Variants in DLG5 observed in about 807,000 individuals in gnomAD.
DLG5 encodes the protein discs large MAGUK scaffold protein 5, also known as disks large homolog 5.
A neutral mutation model predicts 189.8 loss-of-function variants in DLG5; 48 were observed. The observed-to-expected ratio is 0.25, with a 90% confidence interval of 0.20 to 0.32. DLG5 has a LOEUF of 0.32. DLG5 is among the 10% of genes least tolerant of loss of function. DLG5 has a pLI of 1.00. For missense variants in DLG5, 2,160 were observed against 2,544.7 expected, an observed-to-expected ratio of 0.85 and a Z score of 3.25; for synonymous variants, 1,016 against 1,054.1, an observed-to-expected ratio of 0.96 and a Z score of 0.70.
chr10:77,853,602 G>A (rs952589812), intron 4 of DLG5, 65 bp from the exon 5 acceptor site: 2 of 1,417,116 alleles, frequency 1.4e-6, no homozygotes, highest in Non-Finnish European at 1.9e-6. Context: ...CCACCCCAGG[G>A]CATCACCAGC....
intron 21 of DLG5, 24 bp downstream of exon 21, chr10:77,812,191 T>A: frequency 2.5e-6 from 4 of 1,606,608 alleles, no homozygotes; most frequent in Non-Finnish European, 3.4e-6. Flanking sequence ...ATGGGCGCCA[T>A]GCAGGAGGGC....
intron 3 of DLG5, 104 bp downstream of exon 3, chr10:77,856,626 G>T (rs967494276): frequency 1.4e-6 from 2 of 1,440,070 alleles, no homozygotes; most frequent in Admixed American, 1.9e-5. Context: ...AGGCAGCGCA[G>T]CCTGGACCCC....
At position 77,812,301 on chromosome 10, in the gene DLG5, C is replaced by T; in HGVS notation, c.4102G>A (p.Glu1368Lys). Residue 1368 changes from glutamate to lysine, a missense_variant, in exon 21 of 32, where the codon GAG (glutamate) becomes AAG (lysine). Transcript: ENST00000372391. ...EPLGISIVSG[E>K]KGGIYVSKVT... Reference sequence around the variant, plus strand: ...TTGGAGACGTAGATGCCGCCCTTCTCTCCACTCACGATGGAGATGCCCAGC... The same window carrying T: ...TTGGAGACGTAGATGCCGCCCTTCTTTCCACTCACGATGGAGATGCCCAGC... The T allele has an allele frequency of 6.2e-7, 1 of 1,614,232 alleles. No homozygotes were observed.
At position 77,811,148 on chromosome 10, in the gene DLG5, A is replaced by AGTG. The variant is rs748268230; in HGVS notation, c.4406_4408dup (p.Pro1469dup). On this transcript the variant is annotated inframe_insertion, in exon 23 of 32. Transcript: ENST00000372391. ...GCTAGGCCCCTCGTCCTGCTCCATC[A>AGTG]GTGGGTCGATGACAGATGGATGCTC... The AGTG allele has an allele frequency of 6.2e-7, 1 of 1,613,016 alleles. No individual in the cohort carries two copies. Among genetic ancestry groups the AGTG allele is most frequent in the South Asian group, 1.1e-5 (1 of 91,002 alleles).
chr10:77,817,734 G>T, intron 18 of DLG5, 43 bp downstream of exon 18: 1 of 1,512,658 alleles, frequency 6.6e-7, no homozygotes, highest in Non-Finnish European at 9.0e-7. Flanking sequence ...GAGATGAAAA[G>T]CTTGGCACCC....
intron 1 of DLG5, among the ~76,000 whole-genome samples, chr10:77,880,614 AC>A (rs1017009089): frequency 6.6e-6 from 1 of 151,884 alleles, no homozygotes; most frequent in African/African-American, 2.4e-5. Context: ...CACTCCACCT[AC>A]CCCCTGAACT....
At chr10:77,806,732 C>T in intron 26 of DLG5, 26 bp downstream of exon 26, 4 of 1,574,248 alleles carry the variant, frequency 2.5e-6, no homozygotes, top group Non-Finnish European at 3.5e-6. Context: ...CTGCCCCACC[C>T]CACCCCAGGC....
At chr10:77,845,674 G>A (rs1225039028) in intron 5 of DLG5, among the ~76,000 whole-genome samples, 1 of 150,880 alleles carries the variant, frequency 6.6e-6, no homozygotes, top group Non-Finnish European at 1.5e-5. Context: ...AGGAGGGAGG[G>A]AGAGAGGGAG....
intron 1 of DLG5, among the ~76,000 whole-genome samples, chr10:77,908,738 A>G (rs1846136840): frequency 6.6e-6 from 1 of 151,968 alleles, no homozygotes; most frequent in Non-Finnish European, 1.5e-5. Context: ...CACTATCTGT[A>G]CTACTAGATA....
Position 77,796,652 on chromosome 10 carries a change from G to A in DLG5, c.5165-58C>T, listed in dbSNP as rs575452137. ...CAGCTTGGAGTGGAGGACCTGAGTG[G>A]GGCTGGGGAACCCCGCTCCCTGACC... On this transcript the variant is annotated intron_variant, in intron 27 of 31. Coordinates refer to ENST00000372391, the MANE Select transcript of DLG5 (RefSeq NM_004747.4). The surrounding 1 kb of genome is among the most constrained non-coding windows in gnomAD (Gnocchi z 5.2). 4.0e-4 allele frequency: 641 copies of A among 1,604,298 alleles called. 5 individuals are homozygous for A. In the South Asian group the frequency reaches 6.6e-3, roughly 16 times the overall value.
chr10:77,906,398 C>T (rs1333099612), intron 1 of DLG5, among the ~76,000 whole-genome samples: 1 of 152,138 alleles, frequency 6.6e-6, no homozygotes, highest in Non-Finnish European at 1.5e-5. Context: ...GCAGGAAAAG[C>T]ACTTGTACCG....
intron 31 of DLG5, 93 bp downstream of exon 31, chr10:77,793,915 T>G: frequency 8.8e-7 from 1 of 1,138,942 alleles, no homozygotes; most frequent in East Asian, 2.3e-5. Flanking sequence ...ATGTAGAAAG[T>G]GCGGGCTTCT....
intron 5 of DLG5, among the ~76,000 whole-genome samples, chr10:77,851,818 A>C (rs576841453): frequency 1.2e-4 from 18 of 152,342 alleles, no homozygotes; most frequent in Non-Finnish European, 1.6e-4. Context: ...TTATCTAAAC[A>C]ATTAAACCTT....
chr10:77,870,942 G>A (rs896446993), intron 1 of DLG5, among the ~76,000 whole-genome samples: 11 of 152,024 alleles, frequency 7.2e-5, no homozygotes, highest in East Asian at 1.9e-4. Context: ...GCTAGCAGGC[G>A]TGTCCATCAG....
At position 77,855,833 on chromosome 10, in the gene DLG5, C is replaced by G. The variant is rs373440325; in HGVS notation, c.536+897G>C. On this transcript the variant is annotated intron_variant, in intron 3 of 31. Transcript: ENST00000372391. ...AGTGTTTACACCAAGCCCCCCTCCC[C>G]TCCAGACCTCTACCAGCATGGGAGC... is the stretch of plus-strand genomic sequence containing the variant. Among the ~76,000 whole-genome samples, 48 of 152,346 alleles carry G rather than the reference C, an allele frequency of 3.2e-4. No individual in the cohort carries two copies. The East Asian group carries it at 3.9e-3, about 12-fold the overall frequency.
intron 2 of DLG5, among the ~76,000 whole-genome samples, chr10:77,862,277 T>C (rs1302935643): frequency 6.6e-6 from 1 of 152,048 alleles, no homozygotes; most frequent in Non-Finnish European, 1.5e-5. Context: ...TCTACTGAGT[T>C]AATCTGTCCC....
At chr10:77,810,677 C>T (rs534716943) in intron 23 of DLG5, among the ~76,000 whole-genome samples, 1 of 152,320 alleles carries the variant, frequency 6.6e-6, no homozygotes, top group East Asian at 1.9e-4. Context: ...TGCTCTGCGG[C>T]GGCCGGCAGT....
chr10:77,791,738 G>A lies in DLG5; in HGVS notation c.*702C>T, dbSNP rs1465285140. The A allele has an allele frequency of 6.5e-6, 1 of 153,042 alleles. No homozygotes were observed. The highest frequency in any genetic ancestry group is 1.5e-5 in the Non-Finnish European group (1 of 68,458). The allele number at this position is 153,042 out of a possible 1,614,324, so 9.5% of individuals were successfully genotyped here. Reference sequence around the variant, plus strand: ...TCAAGTAATAAGCACAGATGGAGGAGAAACGAGAGGCTGTGGAAGGCAGGA... The same window carrying A: ...TCAAGTAATAAGCACAGATGGAGGAAAAACGAGAGGCTGTGGAAGGCAGGA... On this transcript the variant is annotated 3_prime_UTR_variant, in exon 32 of 32. Coordinates refer to ENST00000372391, the MANE Select transcript of DLG5 (RefSeq NM_004747.4).
chr10:77,918,361 G>A (rs867278445), intron 1 of DLG5, among the ~76,000 whole-genome samples: 24 of 151,904 alleles, frequency 1.6e-4, no homozygotes, highest in Middle Eastern at 3.4e-3. Flanking sequence ...TGCATGAGCC[G>A]AGATCGCACC....
Sources: gnomAD v4.1 joint callset for allele counts (sites outside exome capture counted in the v4.1 genomes callset) on GRCh38, gnomAD v4.1.1 for gene constraint, Gnocchi (gnomAD v3.1) non-coding constraint, MANE v1.5 for transcripts, NCBI Gene and HGNC (gene_info 2026-07-23, HGNC 2026-07-21) for gene names.